The following SGCZ variants were observed in gnomAD, a reference collection of about 807,000 sequenced individuals.
SGCZ encodes the protein zeta-sarcoglycan.
SGCZ carries 40 observed loss-of-function variants against 41.3 expected under a neutral mutation model. The observed-to-expected ratio is 0.97, with a 90% confidence interval of 0.75 to 1.26. SGCZ has a LOEUF of 1.26. SGCZ is among the 50% of genes most tolerant of loss of function. The probability of loss-of-function intolerance (pLI) is 0.00; values close to 1 mark genes in which losing one functional copy is unlikely to be tolerated. For missense variants in SGCZ, 552 were observed against 369.8 expected (o/e 1.49, Z -4.04); for synonymous variants, 206 against 137.5 (o/e 1.50, Z -3.49).
chr8:15,049,857 A>C (rs1023728148), intron 1 of SGCZ, among the ~76,000 whole-genome samples: 1 of 152,152 alleles, frequency 6.6e-6, no homozygotes, highest in African/African-American at 2.4e-5. Context: ...GTTCTCCTGC[A>C]CAAGCTGTCT....
chr8:15,055,140 C>T (rs1804659622), intron 1 of SGCZ, among the ~76,000 whole-genome samples: 1 of 152,104 alleles, frequency 6.6e-6, no homozygotes, highest in African/African-American at 2.4e-5. Context: ...CCAATCCACA[C>T]TCAGACTCCA....
intron 2 of SGCZ, among the ~76,000 whole-genome samples, chr8:14,448,511 T>C (rs1037083950): frequency 6.6e-6 from 1 of 152,180 alleles, no homozygotes; most frequent in Non-Finnish European, 1.5e-5. Context: ...ATATTACTTT[T>C]GTCTATGGGA....
intron 1 of SGCZ, among the ~76,000 whole-genome samples, chr8:14,845,486 A>T (rs1329681402): frequency 6.6e-6 from 1 of 152,222 alleles, no homozygotes; most frequent in African/African-American, 2.4e-5. Context: ...AATGTGACAC[A>T]TAATAAGCAG....
intron 1 of SGCZ, among the ~76,000 whole-genome samples, chr8:14,825,388 C>A (rs190939076): frequency 6.6e-6 from 1 of 151,992 alleles, no homozygotes; most frequent in African/African-American, 2.4e-5. Context: ...TATAGTAATA[C>A]GGAACTTACT....
chr8:14,632,210 A>G (rs759580956), intron 1 of SGCZ, among the ~76,000 whole-genome samples: 18 of 151,644 alleles, frequency 1.2e-4, no homozygotes, highest in Non-Finnish European at 2.6e-4. Flanking sequence ...TTTTATAGAG[A>G]CAAGGTCTCC....
At chr8:15,165,080 A>G (rs867935568) in intron 1 of SGCZ, among the ~76,000 whole-genome samples, 1 of 152,148 alleles carries the variant, frequency 6.6e-6, no homozygotes, top group Non-Finnish European at 1.5e-5. Flanking sequence ...TCACGAGGTC[A>G]GGAGTTCAAG....
chr8:14,647,543 G>A (rs1019410623), intron 1 of SGCZ, among the ~76,000 whole-genome samples: 4 of 151,790 alleles, frequency 2.6e-5, no homozygotes, highest in East Asian at 1.9e-4. Context: ...TTCTCTCTCC[G>A]CAATGGTACG....
chr8:14,187,914 G>C (rs1215354815), intron 4 of SGCZ, among the ~76,000 whole-genome samples: 1 of 152,094 alleles, frequency 6.6e-6, no homozygotes, highest in Non-Finnish European at 1.5e-5. Context: ...GAAAGCCAAA[G>C]ACAAGGTGAA....
intron 2 of SGCZ, among the ~76,000 whole-genome samples, chr8:14,493,321 GTCT>G (rs1801896068): frequency 7.7e-6 from 1 of 129,840 alleles, no homozygotes; most frequent in Non-Finnish European, 1.6e-5. Flanking sequence ...CTGGACTTTG[GTCT>G]TCTTATTCAC....
chr8:15,033,110 C>T (rs1360235527), intron 1 of SGCZ, among the ~76,000 whole-genome samples: 1 of 152,066 alleles, frequency 6.6e-6, no homozygotes, highest in Non-Finnish European at 1.5e-5. Context: ...GGCTCAGGTC[C>T]AGGCCTGCTT....
intron 1 of SGCZ, among the ~76,000 whole-genome samples, chr8:14,974,527 T>A (rs903923657): frequency 6.6e-6 from 1 of 152,166 alleles, no homozygotes; most frequent in Non-Finnish European, 1.5e-5. Context: ...ATTTTAGAAT[T>A]AATCAGAGGT....
intron 1 of SGCZ, among the ~76,000 whole-genome samples, chr8:15,216,970 T>C (rs1173023532): frequency 6.6e-6 from 1 of 152,132 alleles, no homozygotes; most frequent in Admixed American, 6.5e-5. Flanking sequence ...CTTACCATCA[T>C]ATTGAAGACA....
intron 4 of SGCZ, among the ~76,000 whole-genome samples, chr8:14,183,854 T>C (rs1042295086): frequency 6.6e-6 from 1 of 152,160 alleles, no homozygotes; most frequent in Non-Finnish European, 1.5e-5. Context: ...AAGTATTGAA[T>C]ATGTTATAAG....
chr8:15,127,763 C>T (rs992761175), intron 1 of SGCZ, among the ~76,000 whole-genome samples: 1 of 152,100 alleles, frequency 6.6e-6, no homozygotes, highest in East Asian at 1.9e-4. Flanking sequence ...AAAAATAATT[C>T]AATATTCAAC....
chr8:14,244,140 TC>T (rs1403324234), intron 3 of SGCZ, among the ~76,000 whole-genome samples: 6 of 598 alleles, frequency 0.01, no homozygotes, highest in African/African-American at 0.045. Context: ...CTTCTTTTCT[TC>T]CTTCTTCCTC....
intron 1 of SGCZ, among the ~76,000 whole-genome samples, chr8:14,905,910 C>A (rs959427346): frequency 6.6e-6 from 1 of 151,818 alleles, no homozygotes; most frequent in Non-Finnish European, 1.5e-5. Flanking sequence ...AATATACACA[C>A]TTATATTGGA....
chr8:14,333,104 G>A (rs953930468), intron 2 of SGCZ, among the ~76,000 whole-genome samples: 17 of 152,052 alleles, frequency 1.1e-4, no homozygotes, highest in African/African-American at 3.9e-4. Context: ...AAATCAACTG[G>A]TATAGCTCAG....
intron 1 of SGCZ, among the ~76,000 whole-genome samples, chr8:15,194,871 T>C (rs937831662): frequency 6.6e-6 from 1 of 152,194 alleles, no homozygotes; most frequent in African/African-American, 2.4e-5. Flanking sequence ...GTTTGTGTTG[T>C]TTTAAGCAGT....
At chr8:14,128,961 A>G (rs189428521) in intron 5 of SGCZ, among the ~76,000 whole-genome samples, 343 of 152,264 alleles carry the variant, frequency 2.3e-3, no homozygotes, top group Non-Finnish European at 3.2e-3. Context: ...GAGGGATGAA[A>G]TCCTACCTAT....
Sources: gnomAD v4.1 joint callset for allele counts (sites outside exome capture counted in the v4.1 genomes callset) on GRCh38, gnomAD v4.1.1 for gene constraint, MANE v1.5 for transcripts, NCBI Gene and HGNC (gene_info 2026-07-23, HGNC 2026-07-21) for gene names.